PRKN: variants seen among roughly 807,000 people sequenced by gnomAD.
The protein encoded by PRKN is parkin RBR E3 ubiquitin protein ligase, also known as E3 ubiquitin-protein ligase parkin.
A neutral mutation model predicts 59.5 loss-of-function variants in PRKN; 56 were observed. That is an observed-to-expected ratio of 0.94 (90% CI 0.76 to 1.18). PRKN has a LOEUF of 1.18. Among genes scored for constraint, PRKN ranks in the 50% most tolerant of loss-of-function variants. The pLI is 0.00. For synonymous variants in PRKN, 250 were observed against 222.1 expected (o/e 1.13, Z -1.12); for missense variants, 657 against 596.4 (o/e 1.10, Z -1.06).
At chr6:162,529,621 A>G (rs1450552421) in intron 1 of PRKN, among the ~76,000 whole-genome samples, 2 of 152,148 alleles carry the variant, frequency 1.3e-5, no homozygotes, top group African/African-American at 4.8e-5. Flanking sequence ...TACGGACAGA[A>G]GCCATGTCTC....
intron 6 of PRKN, among the ~76,000 whole-genome samples, chr6:161,946,414 A>ACACACACACACACACACCCACTCTCT: frequency 8.7e-6 from 1 of 114,448 alleles, no homozygotes; most frequent in African/African-American, 3.7e-5. Flanking sequence ...ACACACACAC[A>ACACACACACACACACACCCACTCTCT]CTCTCTCTCT....
intron 7 of PRKN, among the ~76,000 whole-genome samples, chr6:161,744,869 C>T (rs1788349587): frequency 6.6e-6 from 1 of 152,348 alleles, no homozygotes; most frequent in East Asian, 1.9e-4. Context: ...TAGATGCCAG[C>T]AGCAGCTCCC....
At chr6:162,095,296 A>C (rs896317773) in intron 4 of PRKN, among the ~76,000 whole-genome samples, 4 of 152,178 alleles carry the variant, frequency 2.6e-5, no homozygotes, top group Non-Finnish European at 5.9e-5. Flanking sequence ...CCGACTCTAA[A>C]AATGAACAAG....
rs570629192 is a variant in PRKN, at chr6:161,679,417, C to T, written c.871+106355G>A. The stretch of plus-strand genomic sequence containing the variant: ...ACACCTGGGACAGCGCGCCTCTGAC[C>T]CCTGAGCCACACTCGGGAGGAACCC... On this transcript the variant is annotated intron_variant, in intron 7 of 11. Transcript: ENST00000366898. 4.0e-3 allele frequency among the ~76,000 whole-genome samples: 614 copies of T among 152,142 alleles called. 15 individuals carry two copies. The highest frequency in any genetic ancestry group is 7.4e-4 in the Non-Finnish European group (50 of 68,010).
chr6:162,608,039 AGG>A (rs1781994566), intron 1 of PRKN, among the ~76,000 whole-genome samples: 1 of 152,242 alleles, frequency 6.6e-6, no homozygotes, highest in Non-Finnish European at 1.5e-5. Flanking sequence ...GTGGCTGCAC[AGG>A]TTGAAAGGCC....
chr6:162,001,255 T>C (rs1782043851), intron 5 of PRKN, among the ~76,000 whole-genome samples: 2 of 152,092 alleles, frequency 1.3e-5, no homozygotes, highest in Admixed American at 6.6e-5. Context: ...TCTGACAATA[T>C]TGAGTCCTCC....
intron 5 of PRKN, among the ~76,000 whole-genome samples, chr6:162,018,120 G>A (rs1391305644): frequency 3.3e-5 from 5 of 152,158 alleles, no homozygotes; most frequent in African/African-American, 9.7e-5. Flanking sequence ...TCCACCTCCT[G>A]GGTTCACGCC....
chr6:161,987,276 C>G (rs950739404), intron 5 of PRKN, among the ~76,000 whole-genome samples: 1 of 152,204 alleles, frequency 6.6e-6, no homozygotes, highest in African/African-American at 2.4e-5. Flanking sequence ...AAATGTTACA[C>G]TGAGTTTTTT....
chr6:162,504,480 TAG>T (rs748383997), intron 1 of PRKN, among the ~76,000 whole-genome samples: 2 of 152,068 alleles, frequency 1.3e-5, no homozygotes, highest in South Asian at 2.1e-4. Context: ...GAACAGATAA[TAG>T]ATCAATGGAC....
chr6:161,830,175 C>T (rs1410274762), intron 6 of PRKN, among the ~76,000 whole-genome samples: 1 of 152,168 alleles, frequency 6.6e-6, no homozygotes, highest in Non-Finnish European at 1.5e-5. Flanking sequence ...TGGGGTTGCC[C>T]CTCTGGCCCT....
intron 7 of PRKN, among the ~76,000 whole-genome samples, chr6:161,688,875 G>A (rs769551889): frequency 3.3e-5 from 5 of 152,122 alleles, no homozygotes; most frequent in Admixed American, 6.5e-5. Flanking sequence ...TGTCCTTGAC[G>A]TGGACATGGA....
At chr6:162,113,871 C>T (rs1008076713) in intron 4 of PRKN, among the ~76,000 whole-genome samples, 16 of 151,842 alleles carry the variant, frequency 1.1e-4, no homozygotes, top group African/African-American at 2.9e-4. Flanking sequence ...GTCTTTAATC[C>T]ATCTTGAATT....
chr6:161,504,527 C>T (rs1054526536), intron 9 of PRKN, among the ~76,000 whole-genome samples: 7 of 149,342 alleles, frequency 4.7e-5, no homozygotes, highest in African/African-American at 1.3e-4. Context: ...GTGAAACTTT[C>T]TTTTTTATTA....
chr6:161,671,507 T>A (rs1337463395), intron 7 of PRKN, among the ~76,000 whole-genome samples: 1 of 152,114 alleles, frequency 6.6e-6, no homozygotes, highest in African/African-American at 2.4e-5. Context: ...ATAAATTAAG[T>A]GTGATGCTGG....
At chr6:162,199,426 G>A (rs1449090388) in intron 4 of PRKN, among the ~76,000 whole-genome samples, 1 of 152,164 alleles carries the variant, frequency 6.6e-6, no homozygotes, top group East Asian at 1.9e-4. Flanking sequence ...GATAATGCCT[G>A]AAAAGAATTT....
chr6:161,579,772 A>T lies in PRKN; in HGVS notation c.872-10356T>A, dbSNP rs1377718049. On this transcript the variant is annotated intron_variant, in intron 7 of 11. Coordinates refer to ENST00000366898, the MANE Select transcript of PRKN (RefSeq NM_004562.3). This position sits in a 1 kb window ranked among gnomAD's most constrained non-coding sequence, Gnocchi z 4.2. ...GGCAGGGGAACAGAAAAGAGTTTATAGTTTTACAAGTACTTAATGGTATTT... is the reference window on the plus strand; with the variant it reads ...GGCAGGGGAACAGAAAAGAGTTTATTGTTTTACAAGTACTTAATGGTATTT... Among the ~76,000 whole-genome samples, 1 of 152,170 alleles carries T rather than the reference A, an allele frequency of 6.6e-6. No homozygotes were observed. Among genetic ancestry groups the T allele is most frequent in the African/African-American group, 2.4e-5 (1 of 41,458 alleles).
At chr6:161,492,378 A>T (rs979846281) in intron 9 of PRKN, among the ~76,000 whole-genome samples, 2 of 152,186 alleles carry the variant, frequency 1.3e-5, no homozygotes, top group Non-Finnish European at 2.9e-5. Flanking sequence ...AAGGGGTAAA[A>T]GTAAAAGTTT....
chr6:162,479,059 T>C (rs372098547), intron 1 of PRKN, among the ~76,000 whole-genome samples: 2 of 152,222 alleles, frequency 1.3e-5, no homozygotes, highest in Non-Finnish European at 2.9e-5. Context: ...AAATTAACTT[T>C]AGCTTACTGT....
At chr6:162,580,852 G>A (rs1194249973) in intron 1 of PRKN, among the ~76,000 whole-genome samples, 1 of 152,212 alleles carries the variant, frequency 6.6e-6, no homozygotes, top group Non-Finnish European at 1.5e-5. Flanking sequence ...CGCTTGCTGA[G>A]TATATAACGC....
Sources: allele counts gnomAD v4.1 joint callset (sites outside exome capture counted in the v4.1 genomes callset), GRCh38; gene constraint gnomAD v4.1.1; non-coding constraint Gnocchi (gnomAD v3.1); transcripts MANE v1.5; gene names NCBI Gene and HGNC (gene_info 2026-07-23, HGNC 2026-07-21).